Variants in LINGO1 observed in about 807,000 individuals in gnomAD.
The protein encoded by LINGO1 is leucine rich repeat and Ig domain containing 1, also known as leucine-rich repeat and immunoglobulin-like domain-containing nogo receptor-interacting protein 1.
Under a neutral mutation model 37.3 loss-of-function variants are expected in LINGO1, and 11 were observed. The ratio of observed to expected loss-of-function variants is 0.29; its 90% CI spans 0.19 to 0.49. LINGO1 has a LOEUF of 0.49. Among genes scored for constraint, LINGO1 ranks in the 20% least tolerant of loss-of-function variants. LINGO1 has a pLI of 0.99. For synonymous variants in LINGO1, 387 were observed against 403.0 expected, an observed-to-expected ratio of 0.96 and a Z score of 0.48; for missense variants, 585 against 878.2, an observed-to-expected ratio of 0.67 and a Z score of 4.22.
Position 77,715,348 on chromosome 15 carries a change from C to G in LINGO1, c.-195+19644G>C, listed in dbSNP as rs76627792. 1.5e-3 allele frequency among the ~76,000 whole-genome samples: 230 copies of G among 152,284 alleles called. 1 individual carries two copies. The highest frequency in any genetic ancestry group is 4.9e-3 in the African/African-American group (205 of 41,546). On this transcript the variant is annotated intron_variant, in intron 2 of 3. Coordinates refer to the LINGO1 transcript ENST00000561686. ...GTCAGTTGTGACAAACAGATTTGGG[C>G]CCAGCCTGAATATCACTGTTGGAAT...
At chr15:77,666,519 G>T (rs1203769544) in intron 3 of LINGO1, among the ~76,000 whole-genome samples, 4 of 152,232 alleles carry the variant, frequency 2.6e-5, no homozygotes, top group Admixed American at 6.5e-5. Context: ...GCACACAGGG[G>T]AAGAGATGCA....
intron 1 of LINGO1, among the ~76,000 whole-genome samples, chr15:77,775,235 C>A (rs2076625626): frequency 1.3e-5 from 2 of 152,186 alleles, no homozygotes; most frequent in African/African-American, 4.8e-5. Context: ...GTCACCTCCA[C>A]CCAAGGCAGC....
At chr15:77,677,883 C>T (rs1225630094) in intron 2 of LINGO1, among the ~76,000 whole-genome samples, 1 of 152,208 alleles carries the variant, frequency 6.6e-6, no homozygotes, top group African/African-American at 2.4e-5. Context: ...CTGCCTATGC[C>T]CTCAGTGGCA....
At chr15:77,624,122 CTGTG>C (rs1210803924) in intron 1 of LINGO1, among the ~76,000 whole-genome samples, 4 of 124,032 alleles carry the variant, frequency 3.2e-5, no homozygotes, top group Non-Finnish European at 6.6e-5. Flanking sequence ...TGCGAGTAGT[CTGTG>C]TGTGTGGCCT....
At chr15:77,726,583 CA>C (rs2076104645) in intron 2 of LINGO1, among the ~76,000 whole-genome samples, 1 of 152,192 alleles carries the variant, frequency 6.6e-6, no homozygotes, top group Non-Finnish European at 1.5e-5. Flanking sequence ...ACACCATATA[CA>C]AAAATTAACT....
intron 2 of LINGO1, among the ~76,000 whole-genome samples, chr15:77,732,147 G>A (rs1184297185): frequency 6.6e-6 from 1 of 152,164 alleles, no homozygotes; most frequent in African/African-American, 2.4e-5. Flanking sequence ...CTGAAGCACA[G>A]AGAAACCATG....
intron 2 of LINGO1, among the ~76,000 whole-genome samples, chr15:77,728,932 G>T (rs2076129216): frequency 6.6e-6 from 1 of 152,262 alleles, no homozygotes; most frequent in South Asian, 2.1e-4. Context: ...ATTACTCTGG[G>T]TCTGCTGTTG....
intron 3 of LINGO1, chr15:77,646,584 C>A (rs1170286201): frequency 2.8e-6 from 1 of 354,128 alleles, no homozygotes; most frequent in Non-Finnish European, 5.7e-6. Context: ...AGGGACAGAC[C>A]AGGGGCCAGC....
intron 1 of LINGO1, among the ~76,000 whole-genome samples, chr15:77,776,554 G>GC (rs2076656397): frequency 3.5e-5 from 2 of 57,606 alleles, no homozygotes; most frequent in Non-Finnish European, 8.3e-5. Context: ...GGGAGGGAGG[G>GC]AGGGAGCTGA....
intron 2 of LINGO1, among the ~76,000 whole-genome samples, chr15:77,712,925 T>C (rs182759422): frequency 1.1e-4 from 17 of 152,254 alleles, no homozygotes; most frequent in Admixed American, 9.2e-4. Context: ...ACATCACCTG[T>C]CTCTCCCTCT....
chr15:77,669,791 C>T (rs1010464593), intron 3 of LINGO1, among the ~76,000 whole-genome samples: 6 of 152,236 alleles, frequency 3.9e-5, no homozygotes, highest in African/African-American at 1.4e-4. Context: ...AACTCACAAA[C>T]TGGAGAGCAT....
Position 77,632,268 on chromosome 15 carries a change from G to A in LINGO1, c.6+42C>T. 1.5e-6 allele frequency: 2 copies of A among 1,375,074 alleles called. No homozygotes were observed. Among genetic ancestry groups the A allele is most frequent in the Non-Finnish European group, 1.9e-6 (2 of 1,068,776 alleles). The allele number at this position is 1,375,074 out of a possible 1,614,324, so 85.2% of individuals were successfully genotyped here. A position where few individuals can be genotyped will look rare whatever the true frequency, so the allele number is the denominator to read the frequency against. ...GGCGGCCCCCAGGGGCACTCGCCGCGGGGCTGCCCGCTCGGGGCTCGGCCG... is the reference window on the plus strand; with the variant it reads ...GGCGGCCCCCAGGGGCACTCGCCGCAGGGCTGCCCGCTCGGGGCTCGGCCG... On this transcript the variant is annotated intron_variant, in intron 1 of 1. Coordinates refer to ENST00000355300, the MANE Select transcript of LINGO1 (RefSeq NM_032808.7). This position sits in a 1 kb window ranked among gnomAD's most constrained non-coding sequence, Gnocchi z 6.0.
intron 2 of LINGO1, among the ~76,000 whole-genome samples, chr15:77,717,553 C>A (rs1474969111): frequency 6.6e-6 from 1 of 150,928 alleles, no homozygotes; most frequent in Non-Finnish European, 1.5e-5. Context: ...TGTGAAAGCA[C>A]GTTTCCCTCT....
chr15:77,703,130 C>G (rs2075805585), intron 2 of LINGO1, among the ~76,000 whole-genome samples: 1 of 152,216 alleles, frequency 6.6e-6, no homozygotes, highest in African/African-American at 2.4e-5. Context: ...CGCAGATAAG[C>G]CACGGCAAGG....
At chr15:77,635,971 G>A (rs942860304), upstream of LINGO1, among the ~76,000 whole-genome samples, 1 of 152,218 alleles carries the variant, frequency 6.6e-6, no homozygotes, top group African/African-American at 2.4e-5. Flanking sequence ...CAGGAGGAGG[G>A]GAGAAGGCCC....
upstream of LINGO1, chr15:77,634,273 G>C: frequency 2.2e-6 from 1 of 456,080 alleles, no homozygotes; most frequent in Non-Finnish European, 4.4e-6. Context: ...GGCTTGCACA[G>C]ACCTTCTGTT....
At chr15:77,741,838 C>CTAG (rs1422371698) in intron 1 of LINGO1, among the ~76,000 whole-genome samples, 4 of 152,176 alleles carry the variant, frequency 2.6e-5, no homozygotes, top group Non-Finnish European at 4.4e-5. Context: ...AAAGCCTGGC[C>CTAG]TAGAATGTTC....
At chr15:77,712,052 G>C (rs535076510) in intron 2 of LINGO1, among the ~76,000 whole-genome samples, 1 of 152,024 alleles carries the variant, frequency 6.6e-6, no homozygotes, top group Non-Finnish European at 1.5e-5. Context: ...CTCTGCCTTC[G>C]AACTTCCTGG....
At chr15:77,658,163 G>T (rs371379641) in intron 3 of LINGO1, among the ~76,000 whole-genome samples, 1 of 152,186 alleles carries the variant, frequency 6.6e-6, no homozygotes, top group Non-Finnish European at 1.5e-5. Flanking sequence ...CAGCAGGGCC[G>T]CCCTGCCCTG....
Sources: gnomAD v4.1 joint callset for allele counts (sites outside exome capture counted in the v4.1 genomes callset) on GRCh38, gnomAD v4.1.1 for gene constraint, Gnocchi (gnomAD v3.1) non-coding constraint, MANE v1.5 for transcripts, NCBI Gene and HGNC (gene_info 2026-07-23, HGNC 2026-07-21) for gene names.